KLHL1: variants seen among roughly 807,000 people sequenced by gnomAD.
The protein encoded by KLHL1 is kelch like family member 1, also known as kelch-like protein 1.
In KLHL1, 47 loss-of-function variants were observed where a neutral mutation model predicts 77.7. That is an observed-to-expected ratio of 0.60 (90% CI 0.48 to 0.77). The LOEUF (loss-of-function observed/expected upper bound fraction) is 0.77. KLHL1 is among the 30% of genes least tolerant of loss of function. The pLI is 0.00. For missense variants in KLHL1, 925 were observed against 910.8 expected (o/e 1.02, Z -0.20); for synonymous variants, 360 against 325.2 (o/e 1.11, Z -1.15).
intron 7 of KLHL1, among the ~76,000 whole-genome samples, chr13:69,745,284 C>G (rs1874160178): frequency 6.9e-6 from 1 of 145,424 alleles, no homozygotes; most frequent in Non-Finnish European, 1.5e-5. Flanking sequence ...AAAACCTCTT[C>G]ATTTTTAATT....
intron 1 of KLHL1, among the ~76,000 whole-genome samples, chr13:70,011,924 C>T (rs928268416): frequency 1.3e-5 from 2 of 152,138 alleles, no homozygotes; most frequent in Admixed American, 6.6e-5. Flanking sequence ...GGAGGCTTCA[C>T]AATCATGGTG....
intron 4 of KLHL1, among the ~76,000 whole-genome samples, chr13:69,937,666 A>G (rs1883228796): frequency 6.6e-6 from 1 of 152,164 alleles, no homozygotes; most frequent in Non-Finnish European, 1.5e-5. Flanking sequence ...TGAGCTCGCA[A>G]TCAAAATTCT....
In KLHL1 at chr13:69,916,891, T is replaced by C. The variant is rs1044173176; in HGVS notation, c.1014+23149A>G. Among the ~76,000 whole-genome samples, 5 of 151,988 alleles carry C rather than the reference T, an allele frequency of 3.3e-5. No individual in the cohort carries two copies. The South Asian group carries it at 1.0e-3, about 31-fold the overall frequency. On this transcript the variant is annotated intron_variant, in intron 4 of 10. Coordinates refer to ENST00000377844, the MANE Select transcript of KLHL1 (RefSeq NM_020866.3). ...AAAGAATCTTATCAGAATATTGGTA[T>C]TTTTTTAGAAGCCATATACACAATA... is the stretch of plus-strand genomic sequence containing the variant.
At chr13:69,992,943 T>G (rs1368376423) in intron 1 of KLHL1, among the ~76,000 whole-genome samples, 1 of 152,008 alleles carries the variant, frequency 6.6e-6, no homozygotes, top group East Asian at 1.9e-4. Context: ...ACATGTACCT[T>G]TCTTACAGTG....
intron 7 of KLHL1, among the ~76,000 whole-genome samples, chr13:69,742,651 C>T (rs941322342): frequency 1.3e-5 from 2 of 152,258 alleles, no homozygotes; most frequent in East Asian, 1.9e-4. Context: ...ACACATATTA[C>T]ACAATTATAC....
intron 6 of KLHL1, among the ~76,000 whole-genome samples, chr13:69,823,864 G>C (rs933682905): frequency 6.6e-6 from 1 of 151,684 alleles, no homozygotes; most frequent in African/African-American, 2.4e-5. Context: ...AATGTGTATA[G>C]TTGATATGAC....
At chr13:69,892,996 T>C (rs1471955981) in intron 4 of KLHL1, among the ~76,000 whole-genome samples, 1 of 152,178 alleles carries the variant, frequency 6.6e-6, no homozygotes, top group African/African-American at 2.4e-5. Flanking sequence ...TACTAGTTGC[T>C]TACAACCAAC....
At chr13:70,023,526 A>C (rs1446662194) in intron 1 of KLHL1, among the ~76,000 whole-genome samples, 1 of 151,970 alleles carries the variant, frequency 6.6e-6, no homozygotes, top group Non-Finnish European at 1.5e-5. Context: ...CTGCCACAAA[A>C]TATTTTATTA....
At chr13:69,758,724 A>T (rs963647934) in intron 7 of KLHL1, among the ~76,000 whole-genome samples, 18 of 152,098 alleles carry the variant, frequency 1.2e-4, no homozygotes, top group Non-Finnish European at 2.2e-4. Context: ...TTTTTAAGAA[A>T]GCTATTTCCT....
At chr13:70,104,985 A>G (rs1302871215) in intron 1 of KLHL1, among the ~76,000 whole-genome samples, 1 of 152,066 alleles carries the variant, frequency 6.6e-6, no homozygotes, top group Non-Finnish European at 1.5e-5. Context: ...TCAATCAATC[A>G]TGAGCAGAGA....
At chr13:69,992,665 AT>A (rs1365134239) in intron 1 of KLHL1, among the ~76,000 whole-genome samples, 2 of 151,974 alleles carry the variant, frequency 1.3e-5, no homozygotes, top group Non-Finnish European at 2.9e-5. Flanking sequence ...ATCTTTCCTT[AT>A]TTTACTTCAT....
chr13:69,782,300 G>T (rs1876260988), intron 7 of KLHL1, among the ~76,000 whole-genome samples: 1 of 152,208 alleles, frequency 6.6e-6, no homozygotes, highest in African/African-American at 2.4e-5. Flanking sequence ...ACTAGGGAGT[G>T]CCAGACAGTG....
chr13:69,873,870 C>A (rs1219901098), intron 5 of KLHL1, among the ~76,000 whole-genome samples: 2 of 152,104 alleles, frequency 1.3e-5, no homozygotes, highest in South Asian at 2.1e-4. Flanking sequence ...TTTGAAAAGA[C>A]CTCTACATCT....
At chr13:70,051,033 T>C (rs747318918) in intron 1 of KLHL1, among the ~76,000 whole-genome samples, 3 of 152,018 alleles carry the variant, frequency 2.0e-5, no homozygotes, top group Non-Finnish European at 4.4e-5. Context: ...ATGCCAGGTT[T>C]GGTTGGAATA....
intron 1 of KLHL1, among the ~76,000 whole-genome samples, chr13:70,052,079 C>T (rs1235848195): frequency 6.6e-6 from 1 of 151,708 alleles, no homozygotes; most frequent in Non-Finnish European, 1.5e-5. Context: ...ACTTTCTTAG[C>T]CGTGCAATAG....
In KLHL1 at chr13:70,107,521, T is replaced by C. The variant is rs375724042; in HGVS notation, c.179A>G (p.Gln60Arg). The change falls in exon 1 of 11, where the codon CAA becomes CGA. Residue 60 changes from glutamine to arginine, a missense_variant. Gln to Arg is a conservative substitution (Grantham distance 43). Transcript: ENST00000377844. ...GAAAGTGCTCACACCGCTTCTCTCT[T>C]GGCTTTTGAGCAGGCGACTCTGGCT... is the stretch of plus-strand genomic sequence containing the variant. ...GPSQSRLLKSQERSGVSTFWK... is the reference protein window; with the variant it reads ...GPSQSRLLKSRERSGVSTFWK... The C allele has an allele frequency of 6.2e-7, 1 of 1,611,938 alleles. No homozygotes were observed. The highest frequency in any genetic ancestry group is 8.5e-7 in the Non-Finnish European group (1 of 1,179,098).
At chr13:69,949,403 T>C (rs1312717916) in intron 3 of KLHL1, among the ~76,000 whole-genome samples, 2 of 151,820 alleles carry the variant, frequency 1.3e-5, no homozygotes, top group Non-Finnish European at 2.9e-5. Flanking sequence ...ATTTTGCTGA[T>C]TATTAGACTG....
At position 70,107,510 on chromosome 13, in the gene KLHL1, C is replaced by G. The variant is rs565048506; in HGVS notation, c.190G>C (p.Gly64Arg). 5.6e-6 allele frequency: 9 copies of G among 1,611,496 alleles called. No individual in the cohort carries two copies. The African/African-American group carries it at 1.2e-4, about 22-fold the overall frequency. Residue 64 changes from glycine to arginine, a missense_variant, in exon 1 of 11, where the codon GGT (glycine) becomes CGT (arginine). Gly to Arg is a moderately radical substitution (Grantham distance 125). Transcript: ENST00000377844. The stretch of plus-strand genomic sequence containing the variant: ...GGCTTCTTCCAGAAAGTGCTCACAC[C>G]GCTTCTCTCTTGGCTTTTGAGCAGG... Reference protein sequence around the residue: ...SRLLKSQERSGVSTFWKKPSS... With the variant: ...SRLLKSQERSRVSTFWKKPSS...
intron 3 of KLHL1, among the ~76,000 whole-genome samples, chr13:69,941,724 T>C (rs775622532): frequency 1.4e-4 from 22 of 151,790 alleles, no homozygotes; most frequent in Non-Finnish European, 2.1e-4. Flanking sequence ...TTAGTGAGCT[T>C]AACCAAAAAA....
Sources: allele counts gnomAD v4.1 joint callset (sites outside exome capture counted in the v4.1 genomes callset), GRCh38; gene constraint gnomAD v4.1.1; transcripts MANE v1.5; gene names NCBI Gene and HGNC (gene_info 2026-07-23, HGNC 2026-07-21).